RNF216: variants seen among roughly 807,000 people sequenced by gnomAD.
RNF216 encodes the protein ring finger protein 216.
In RNF216, 72 loss-of-function variants were observed where a neutral mutation model predicts 110.8. The ratio of observed to expected loss-of-function variants is 0.65; its 90% CI spans 0.54 to 0.79. The LOEUF (loss-of-function observed/expected upper bound fraction) is 0.79, where lower values mean the gene tolerates loss of function less well. Ranked by LOEUF, RNF216 falls within the 30% of genes least tolerant of loss-of-function variation. The pLI is 0.00. For missense variants in RNF216, 1,342 were observed against 1,141.2 expected, an observed-to-expected ratio of 1.18 and a Z score of -2.54; for synonymous variants, 495 against 407.5, an observed-to-expected ratio of 1.21 and a Z score of -2.59.
chr7:5,730,403 A>G (rs893123298), intron 6 of RNF216, among the ~76,000 whole-genome samples: 2 of 152,238 alleles, frequency 1.3e-5, no homozygotes, highest in African/African-American at 4.8e-5. Flanking sequence ...AGTTTTGGCC[A>G]ATTCTTGTTT....
At chr7:5,636,180 G>C (rs1451265457) in intron 15 of RNF216, among the ~76,000 whole-genome samples, 2 of 152,100 alleles carry the variant, frequency 1.3e-5, no homozygotes, top group African/African-American at 2.4e-5. Context: ...TAAAGTTCCA[G>C]GATCACTCTT....
chr7:5,622,876 G>T lies in RNF216; in HGVS notation c.2756C>A (p.Pro919Gln). The T allele has an allele frequency of 6.2e-7, 1 of 1,602,622 alleles. No homozygotes were observed. Among genetic ancestry groups the T allele is most frequent in the Non-Finnish European group, 8.5e-7 (1 of 1,171,758 alleles). The change falls in exon 17 of 17, where the codon CCG becomes CAG. Residue 919 changes from proline to glutamine, a missense_variant. Physicochemically the swap from Pro to Gln is moderately conservative, Grantham distance 76. Transcript: ENST00000389902. ...HNLPMHFGPQ[P>Q]RHRF ...TCGGGGCCATCAGAAGCGATGCCGC[G>T]GCTGGGGGCCAAAGTGCATGGGCAG...
At chr7:5,651,658 T>TA (rs1179433741) in intron 14 of RNF216, among the ~76,000 whole-genome samples, 2 of 104,472 alleles carry the variant, frequency 1.9e-5, no homozygotes, top group Admixed American at 1.7e-4. Context: ...CTTTTTTTCT[T>TA]TTTTTTTTTG....
chr7:5,690,466 G>C (rs1381439077), intron 13 of RNF216, among the ~76,000 whole-genome samples: 2 of 152,100 alleles, frequency 1.3e-5, no homozygotes, highest in Non-Finnish European at 2.9e-5. Flanking sequence ...TAAAGACCTG[G>C]AATCTATCAG....
chr7:5,697,537 G>C (rs556998954), intron 13 of RNF216, among the ~76,000 whole-genome samples: 1 of 152,278 alleles, frequency 6.6e-6, no homozygotes, highest in South Asian at 2.1e-4. Flanking sequence ...CTGGGCTAAG[G>C]CTTTTTTATT....
chr7:5,753,065 T>C, intron 2 of RNF216, 86 bp from the exon 3 acceptor site: 1 of 1,386,876 alleles, frequency 7.2e-7, no homozygotes, highest in East Asian at 2.4e-5. Flanking sequence ...GGGTACAGCC[T>C]AAAGCCAACT....
At chr7:5,719,016 T>G (rs1226952234) in intron 9 of RNF216, among the ~76,000 whole-genome samples, 2 of 151,066 alleles carry the variant, frequency 1.3e-5, no homozygotes, top group African/African-American at 4.9e-5. Context: ...TTATTTCAAG[T>G]GACTTTAAAA....
intron 13 of RNF216, among the ~76,000 whole-genome samples, chr7:5,695,207 C>T (rs1791551424): frequency 6.6e-6 from 1 of 152,214 alleles, no homozygotes; most frequent in Admixed American, 6.5e-5. Context: ...CTGGGTCCGG[C>T]TTATAAATCT....
In RNF216 at chr7:5,690,446, C is replaced by T. The variant is rs116093338; in HGVS notation, c.2061+21315G>A. Among the ~76,000 whole-genome samples the T allele has an allele frequency of 8.5e-3, 1,297 of 152,134 alleles. 20 individuals carry two copies. The highest frequency in any genetic ancestry group is 0.03 in the African/African-American group (1,240 of 41,482). ...GACTGACTGCTTTGTTAAGGTTTCC[C>T]AGGTAGTATTAAAGACCTGGAATCT... On this transcript the variant is annotated intron_variant, in intron 13 of 16. Coordinates refer to ENST00000389902, the MANE Select transcript of RNF216 (RefSeq NM_207111.4).
chr7:5,729,610 G>C lies in RNF216; in HGVS notation c.1225-14C>G, dbSNP rs560583115. On this transcript the variant is annotated splice_polypyrimidine_tract_variant and intron_variant, in intron 6 of 16. Coordinates refer to ENST00000389902, the MANE Select transcript of RNF216 (RefSeq NM_207111.4). ...TATTTTAGGCAACTGAAATGAGAGA[G>C]AAGCATAAAATCAGAGGCCAGGCAG... is the stretch of plus-strand genomic sequence containing the variant. 4 of 1,610,858 alleles carry C rather than the reference G, an allele frequency of 2.5e-6. No individual in the cohort carries two copies. The South Asian group carries it at 3.3e-5, about 13-fold the overall frequency.
intron 2 of RNF216, among the ~76,000 whole-genome samples, chr7:5,756,819 G>C (rs1409416179): frequency 6.6e-6 from 1 of 152,028 alleles, no homozygotes; most frequent in African/African-American, 2.4e-5. Flanking sequence ...ATTTTTTGCA[G>C]ACATGAGAAT....
chr7:5,739,670 C>A (rs1316131231), intron 4 of RNF216: 1 of 476,798 alleles, frequency 2.1e-6, no homozygotes, highest in South Asian at 1.5e-5. Flanking sequence ...AATCTCATGC[C>A]AGCCCTCAAG....
At chr7:5,699,340 C>T (rs1396511411) in intron 13 of RNF216, among the ~76,000 whole-genome samples, 1 of 152,172 alleles carries the variant, frequency 6.6e-6, no homozygotes, top group Admixed American at 6.5e-5. Flanking sequence ...ATGAGAAACC[C>T]TGGATTTGAC....
At position 5,755,097 on chromosome 7, in the gene RNF216, GAGGAGGAAA is replaced by G. The variant is rs1236326712; in HGVS notation, c.68-2127_68-2119del. Among the ~76,000 whole-genome samples, 3 of 147,908 alleles carry G rather than the reference GAGGAGGAAA, an allele frequency of 2.0e-5. No homozygotes were observed. In the Admixed American group the frequency reaches 2.0e-4, roughly 10 times the overall value. ...GAAGGAAAGGAAGGAAAGGAGAAGA[GAGGAGGAAA>G]GGAAGGAAAGGAAGGAAAGGAAAGA... On this transcript the variant is annotated intron_variant, in intron 2 of 16. Coordinates refer to ENST00000389902, the MANE Select transcript of RNF216 (RefSeq NM_207111.4).
chr7:5,633,316 CTGTAA>C (rs1433563186), intron 15 of RNF216, among the ~76,000 whole-genome samples: 3 of 151,960 alleles, frequency 2.0e-5, no homozygotes, highest in Non-Finnish European at 2.9e-5. Flanking sequence ...TGGCTCATGC[CTGTAA>C]TCCCAGCAAT....
intron 15 of RNF216, among the ~76,000 whole-genome samples, chr7:5,638,029 G>A (rs1343078082): frequency 6.6e-6 from 1 of 152,124 alleles, no homozygotes; most frequent in Non-Finnish European, 1.5e-5. Flanking sequence ...AGCCCCCTTG[G>A]ATGGGCCCCA....
At chr7:5,630,503 C>T (rs1029194289) in intron 15 of RNF216, among the ~76,000 whole-genome samples, 4 of 152,064 alleles carry the variant, frequency 2.6e-5, no homozygotes, top group Admixed American at 6.6e-5. Flanking sequence ...TTAGGCTCCC[C>T]GAGTAGGTGG....
At chr7:5,751,782 TC>T (rs1795338299) in intron 3 of RNF216, among the ~76,000 whole-genome samples, 1 of 143,676 alleles carries the variant, frequency 7.0e-6, no homozygotes, top group Admixed American at 7.2e-5. Flanking sequence ...AAGGAAGTGT[TC>T]CTTGGTCCTA....
intron 3 of RNF216, among the ~76,000 whole-genome samples, chr7:5,748,168 A>G (rs1416751128): frequency 6.6e-6 from 1 of 152,190 alleles, no homozygotes; most frequent in Non-Finnish European, 1.5e-5. Context: ...CCTTACAAAC[A>G]TCGTTTTCTG....
Sources: gnomAD v4.1 joint callset for allele counts (sites outside exome capture counted in the v4.1 genomes callset) on GRCh38, gnomAD v4.1.1 for gene constraint, MANE v1.5 for transcripts, NCBI Gene and HGNC (gene_info 2026-07-23, HGNC 2026-07-21) for gene names.